The following ASAP1 variants were observed in gnomAD, a reference collection of about 807,000 sequenced individuals.
ASAP1 encodes the protein ArfGAP with SH3 domain, ankyrin repeat and PH domain 1, also known as arf-GAP with SH3 domain, ANK repeat and PH domain-containing protein 1.
Under a neutral mutation model 145.2 loss-of-function variants are expected in ASAP1, and 43 were observed. That is an observed-to-expected ratio of 0.30 (90% confidence interval 0.23 to 0.38). The LOEUF (loss-of-function observed/expected upper bound fraction) is 0.38. Ranked by LOEUF, ASAP1 falls within the 10% of genes least tolerant of loss-of-function variation. The pLI, the probability that ASAP1 is intolerant of heterozygous loss-of-function variation, is 1.00. For missense variants in ASAP1, 1,018 were observed against 1,355.3 expected (o/e 0.75, Z 3.91); for synonymous variants, 546 against 515.5 (o/e 1.06, Z -0.80).
chr8:130,336,903 C>G (rs559355839), intron 3 of ASAP1, among the ~76,000 whole-genome samples: 1 of 152,278 alleles, frequency 6.6e-6, no homozygotes, highest in South Asian at 2.1e-4. Flanking sequence ...GTCTCATAAA[C>G]TATAAATTTA....
intron 17 of ASAP1, among the ~76,000 whole-genome samples, 190 bp from the exon 18 acceptor site, chr8:130,124,294 C>T (rs1265665055): frequency 1.3e-5 from 2 of 152,184 alleles, no homozygotes; most frequent in Non-Finnish European, 2.9e-5. Flanking sequence ...AAACTAAGTG[C>T]TGGAAATACA....
At chr8:130,370,325 A>C (rs538356224) in intron 2 of ASAP1, among the ~76,000 whole-genome samples, 2 of 152,214 alleles carry the variant, frequency 1.3e-5, no homozygotes, top group East Asian at 3.9e-4. Flanking sequence ...AAACAAACAA[A>C]AAAAACAGAG....
chr8:130,319,717 C>T (rs1045010743), intron 3 of ASAP1, among the ~76,000 whole-genome samples: 10 of 152,004 alleles, frequency 6.6e-5, no homozygotes, highest in East Asian at 1.9e-4. Context: ...ATTAAAATAG[C>T]GGAGGGATGG....
At chr8:130,359,991 A>C (rs1304138967) in intron 2 of ASAP1, among the ~76,000 whole-genome samples, 1 of 152,216 alleles carries the variant, frequency 6.6e-6, no homozygotes, top group African/African-American at 2.4e-5. Context: ...AGTGCCCCAA[A>C]GCAGGGATCT....
intron 5 of ASAP1, among the ~76,000 whole-genome samples, chr8:130,205,136 G>A (rs1278042679): frequency 3.9e-5 from 6 of 152,006 alleles, no homozygotes; most frequent in Admixed American, 2.6e-4. Context: ...GCTCCAATAA[G>A]CGATGGTTTT....
In ASAP1 at chr8:130,052,254, A is replaced by C. The variant is rs1445711113; in HGVS notation, c.*2477T>G. On this transcript the variant is annotated 3_prime_UTR_variant, in exon 30 of 30. Coordinates refer to ENST00000518721, the MANE Select transcript of ASAP1 (RefSeq NM_018482.4). ...GTTTGATGGTAACATCCAGATGAGAATTCGGCATTTAACTAGTGGCACTAC... is the reference window on the plus strand; with the variant it reads ...GTTTGATGGTAACATCCAGATGAGACTTCGGCATTTAACTAGTGGCACTAC... The C allele has an allele frequency of 6.5e-6, 1 of 152,698 alleles. No individual in the cohort carries two copies. The highest frequency in any genetic ancestry group is 2.4e-5 in the African/African-American group (1 of 41,468). The allele number at this position is 152,698 out of a possible 1,614,324, so 9.5% of individuals were successfully genotyped here.
intron 3 of ASAP1, among the ~76,000 whole-genome samples, chr8:130,273,142 G>C (rs1820680874): frequency 6.6e-6 from 1 of 152,116 alleles, no homozygotes; most frequent in African/African-American, 2.4e-5. Context: ...GTATCAATAA[G>C]AACAGAGGGG....
At chr8:130,282,123 A>ACCAAAT (rs1821290188) in intron 3 of ASAP1, among the ~76,000 whole-genome samples, 1 of 151,944 alleles carries the variant, frequency 6.6e-6, no homozygotes, top group South Asian at 2.1e-4. Flanking sequence ...TCTTGCACCA[A>ACCAAAT]CCAAATATAT....
chr8:130,084,651 CT>C (rs1223846225), intron 25 of ASAP1: 1 of 152,178 alleles, frequency 6.6e-6, no homozygotes, highest in African/African-American at 2.4e-5. Context: ...GGGTTCAAAT[CT>C]CACTTCTGCA....
chr8:130,388,548 T>C (rs981165834), intron 2 of ASAP1, among the ~76,000 whole-genome samples: 4 of 152,174 alleles, frequency 2.6e-5, no homozygotes, highest in African/African-American at 9.7e-5. Flanking sequence ...TAATATAATT[T>C]GCATGTCTGT....
At chr8:130,194,273 A>C (rs1320334067) in intron 5 of ASAP1, among the ~76,000 whole-genome samples, 3 of 152,210 alleles carry the variant, frequency 2.0e-5, no homozygotes, top group Non-Finnish European at 2.9e-5. Context: ...TTTAAGTGAC[A>C]AGTGAATAGT....
At chr8:130,420,216 T>C (rs1250226994) in intron 1 of ASAP1, among the ~76,000 whole-genome samples, 1 of 145,998 alleles carries the variant, frequency 6.8e-6, no homozygotes, top group Non-Finnish European at 1.5e-5. Context: ...TCACACCCAC[T>C]AGGCTGGCCA....
At chr8:130,152,079 C>T (rs560601005) in intron 13 of ASAP1, among the ~76,000 whole-genome samples, 90 of 152,336 alleles carry the variant, frequency 5.9e-4, no homozygotes, top group Non-Finnish European at 1.2e-3. Flanking sequence ...AAATTGCCAA[C>T]ATAATAAATG....
chr8:130,063,649 T>C, intron 27 of ASAP1, among the ~76,000 whole-genome samples: 1 of 152,180 alleles, frequency 6.6e-6, no homozygotes, highest in South Asian at 2.1e-4. Context: ...GCGATGTGGA[T>C]ATCACCATCA....
intron 1 of ASAP1, among the ~76,000 whole-genome samples, chr8:130,405,333 A>C (rs1466035316): frequency 2.6e-5 from 4 of 152,164 alleles, no homozygotes; most frequent in Admixed American, 2.0e-4. Context: ...TGTGTGGCAG[A>C]ACTAAGATCC....
At chr8:130,416,214 G>C (rs1829469300) in intron 1 of ASAP1, among the ~76,000 whole-genome samples, 1 of 152,102 alleles carries the variant, frequency 6.6e-6, no homozygotes, top group South Asian at 2.1e-4. Context: ...GCTGATTTCA[G>C]GGTGCCCATT....
At chr8:130,282,182 A>G (rs2137195968) in intron 3 of ASAP1, among the ~76,000 whole-genome samples, 1 of 152,320 alleles carries the variant, frequency 6.6e-6, no homozygotes, top group South Asian at 2.1e-4. Flanking sequence ...ATTTGATTTA[A>G]TCACACTGTC....
At chr8:130,398,890 G>T (rs1828652408) in intron 2 of ASAP1, among the ~76,000 whole-genome samples, 1 of 152,236 alleles carries the variant, frequency 6.6e-6, no homozygotes, top group Non-Finnish European at 1.5e-5. Context: ...AGAATGAGTA[G>T]TGTGGAGGAA....
In ASAP1 at chr8:130,116,666, A is replaced by G; in HGVS notation, c.2064+12T>C. 2 of 1,612,946 alleles carry G rather than the reference A, an allele frequency of 1.2e-6. No homozygotes were observed. The highest frequency in any genetic ancestry group is 1.7e-6 in the Non-Finnish European group (2 of 1,179,086). ...AATGTCTAATAAATCTCCCACGTCC[A>G]TTTTTGCTTACCAGATCTTCACACT... On this transcript the variant is annotated intron_variant, in intron 22 of 29. Transcript: ENST00000518721.
Sources: gnomAD v4.1 joint callset for allele counts (sites outside exome capture counted in the v4.1 genomes callset) on GRCh38, gnomAD v4.1.1 for gene constraint, MANE v1.5 for transcripts, NCBI Gene and HGNC (gene_info 2026-07-23, HGNC 2026-07-21) for gene names.